Variants in SORCS2 observed in about 807,000 individuals in gnomAD.
The protein encoded by SORCS2 is VPS10 domain-containing receptor SorCS2.
In SORCS2, 100 loss-of-function variants were observed where a neutral mutation model predicts 141.6. That is an observed-to-expected ratio of 0.71 (90% CI 0.60 to 0.83). The LOEUF (loss-of-function observed/expected upper bound fraction) is 0.83, where lower values mean the gene tolerates loss of function less well. Among genes scored for constraint, SORCS2 ranks in the 40% least tolerant of loss-of-function variants. SORCS2 has a pLI of 0.00. For missense variants in SORCS2, 1,646 were observed against 1,560.2 expected, an observed-to-expected ratio of 1.05 and a Z score of -0.93; for synonymous variants, 789 against 676.9, an observed-to-expected ratio of 1.17 and a Z score of -2.57.
chr4:7,377,654 C>T (rs1722745769), intron 1 of SORCS2, among the ~76,000 whole-genome samples: 1 of 152,234 alleles, frequency 6.6e-6, no homozygotes, highest in African/African-American at 2.4e-5. Flanking sequence ...GCAGGGCTCT[C>T]CTTCACCCAG....
At chr4:7,287,386 T>C (rs4689682) in intron 1 of SORCS2, among the ~76,000 whole-genome samples, 111,960 of 152,164 alleles carry the variant, frequency 0.74, 41,327 homozygotes, top group Middle Eastern at 0.79. Flanking sequence ...CTGGCAGTCT[T>C]TTCCAGAAAG....
chr4:7,316,705 C>T (rs1323099223), intron 1 of SORCS2, among the ~76,000 whole-genome samples: 1 of 152,136 alleles, frequency 6.6e-6, no homozygotes, highest in African/African-American at 2.4e-5. Flanking sequence ...ATGTTCTGTT[C>T]ATAGTAGAAA....
chr4:7,565,834 GATGGTGATGGTGA>G (rs1437233836), intron 3 of SORCS2, among the ~76,000 whole-genome samples: 8 of 80,254 alleles, frequency 1.0e-4, no homozygotes, highest in Non-Finnish European at 2.2e-4. Context: ...TGGTGATGAT[GATGGTGATGGTGA>G]TGATGGTGAT....
At chr4:7,620,455 T>C (rs1248617874) in intron 3 of SORCS2, among the ~76,000 whole-genome samples, 3 of 152,194 alleles carry the variant, frequency 2.0e-5, no homozygotes, top group Non-Finnish European at 4.4e-5. Flanking sequence ...CCCACATCCA[T>C]CAGGCATCTG....
chr4:7,252,711 C>T lies in SORCS2; in HGVS notation c.480+59585C>T, dbSNP rs199628591. On this transcript the variant is annotated intron_variant, in intron 1 of 26. Transcript: ENST00000507866. Reference sequence around the variant, plus strand: ...GGTGCGGGAGGGATTGGCATTGTGCCGGTCTGACAGGCGTCAGCCAGGACT... The same window carrying T: ...GGTGCGGGAGGGATTGGCATTGTGCTGGTCTGACAGGCGTCAGCCAGGACT... Among the ~76,000 whole-genome samples, 21 of 152,232 alleles carry T rather than the reference C, an allele frequency of 1.4e-4. No homozygotes were observed. In the East Asian group the frequency reaches 2.4e-3, roughly 17 times the overall value.
chr4:7,655,877 G>A (rs532587334), intron 5 of SORCS2, among the ~76,000 whole-genome samples: 1 of 151,872 alleles, frequency 6.6e-6, no homozygotes, highest in East Asian at 1.9e-4. Context: ...GCCAGAGAAA[G>A]AAACCGACCC....
Position 7,664,293 on chromosome 4 carries a change from C to G in SORCS2, c.953-60C>G. On this transcript the variant is annotated intron_variant, in intron 6 of 26. Coordinates refer to ENST00000507866, the MANE Select transcript of SORCS2 (RefSeq NM_020777.3). The surrounding 1 kb of genome is among the most constrained non-coding windows in gnomAD (Gnocchi z 4.7). ...GGAAGATGGAGTCCAGCACATGTCTCGGGCCGTCTCTGGCTCCGGCTGGAG... is the reference window on the plus strand; with the variant it reads ...GGAAGATGGAGTCCAGCACATGTCTGGGGCCGTCTCTGGCTCCGGCTGGAG... The G allele has an allele frequency of 7.2e-7, 1 of 1,390,054 alleles. No homozygotes were observed. Among genetic ancestry groups the G allele is most frequent in the Non-Finnish European group, 1.0e-6 (1 of 994,740 alleles). The allele number at this position is 1,390,054 out of a possible 1,614,324, so 86.1% of individuals were successfully genotyped here.
rs542429478 is a variant in SORCS2 at position 7,740,485 on chromosome 4, A to G, written c.*221A>G. On this transcript the variant is annotated 3_prime_UTR_variant, in exon 27 of 27. Coordinates refer to ENST00000507866, the MANE Select transcript of SORCS2 (RefSeq NM_020777.3). ...ACTCCCCGGACATGGCCCTGCCCCTATGGGACACCAGGCCTGACTCAGGCA... is the reference window on the plus strand; with the variant it reads ...ACTCCCCGGACATGGCCCTGCCCCTGTGGGACACCAGGCCTGACTCAGGCA... The G allele has an allele frequency of 2.4e-3, 1,352 of 560,940 alleles. 7 individuals are homozygous for G. The highest frequency in any genetic ancestry group is 0.024 in the African/African-American group (1,247 of 53,000). 34.7% of individuals were successfully genotyped at this position (560,940 alleles called of 1,614,324 possible).
chr4:7,724,182 C>T (rs1341517166), intron 19 of SORCS2, among the ~76,000 whole-genome samples: 13 of 117,060 alleles, frequency 1.1e-4, no homozygotes, highest in African/African-American at 5.6e-4. Context: ...ATGGTGATAG[C>T]AGTACTGGTG....
At chr4:7,602,895 G>A (rs6832677) in intron 3 of SORCS2, among the ~76,000 whole-genome samples, 10,998 of 152,288 alleles carry the variant, frequency 0.072, 615 homozygotes, top group African/African-American at 0.15. Flanking sequence ...GCGAGACTCC[G>A]TCTGCAATCC....
rs563147937 is a variant in SORCS2, at chr4:7,636,356, G to A, written c.649-1972G>A. 9.2e-5 allele frequency among the ~76,000 whole-genome samples: 14 copies of A among 152,350 alleles called. No individual in the cohort carries two copies. The East Asian group carries it at 2.3e-3, about 25-fold the overall frequency. ...GCCTGTGTAAGCCAGGACTCTACAA[G>A]TTTGTCGAATGAGGGAATGAATGAA... On this transcript the variant is annotated intron_variant, in intron 3 of 26. Coordinates refer to ENST00000507866, the MANE Select transcript of SORCS2 (RefSeq NM_020777.3).
intron 18 of SORCS2, among the ~76,000 whole-genome samples, chr4:7,718,440 C>G (rs925840432): frequency 6.6e-6 from 1 of 152,056 alleles, no homozygotes; most frequent in African/African-American, 2.4e-5. Flanking sequence ...CCCCGCAGAG[C>G]AGAAGGAGAC....
chr4:7,542,149 T>G (rs1188434245), intron 3 of SORCS2, among the ~76,000 whole-genome samples: 1 of 152,150 alleles, frequency 6.6e-6, no homozygotes, highest in Non-Finnish European at 1.5e-5. Flanking sequence ...TCCTCACCCC[T>G]CATGGGCGGA....
intron 2 of SORCS2, among the ~76,000 whole-genome samples, chr4:7,521,455 A>G (rs1733323300): frequency 6.6e-6 from 1 of 152,036 alleles, no homozygotes; most frequent in Admixed American, 6.5e-5. Flanking sequence ...TTATTGAACA[A>G]CTTCACTGTC....
intron 2 of SORCS2, among the ~76,000 whole-genome samples, chr4:7,414,270 C>G (rs1394052728): frequency 6.6e-6 from 1 of 152,170 alleles, no homozygotes; most frequent in Non-Finnish European, 1.5e-5. Context: ...CATGGCAAGA[C>G]CTGGCTGCAC....
At chr4:7,572,841 A>G (rs1317973460) in intron 3 of SORCS2, among the ~76,000 whole-genome samples, 2 of 152,218 alleles carry the variant, frequency 1.3e-5, no homozygotes, top group African/African-American at 4.8e-5. Flanking sequence ...GGTTTGGAAG[A>G]CTTTTAAAGA....
chr4:7,446,851 C>A (rs1344226651), intron 2 of SORCS2, among the ~76,000 whole-genome samples: 1 of 152,224 alleles, frequency 6.6e-6, no homozygotes, highest in Non-Finnish European at 1.5e-5. Context: ...AACCACTAAG[C>A]CATTGTGAAT....
Position 7,661,872 on chromosome 4 carries a change from G to A in SORCS2, c.952+308G>A, listed in dbSNP as rs1005107062. On this transcript the variant is annotated intron_variant, in intron 6 of 26. Coordinates refer to ENST00000507866, the MANE Select transcript of SORCS2 (RefSeq NM_020777.3). ...TGTGCTAAGTGTGGAGGTGGGGGGCGGGGGTGGGGGCACGGGTGTGCACAC... is the reference window on the plus strand; with the variant it reads ...TGTGCTAAGTGTGGAGGTGGGGGGCAGGGGTGGGGGCACGGGTGTGCACAC... Among the ~76,000 whole-genome samples, 6 of 152,024 alleles carry A rather than the reference G, an allele frequency of 3.9e-5. No individual in the cohort carries two copies. The South Asian group carries it at 6.2e-4, about 16-fold the overall frequency.
At chr4:7,416,808 A>G (rs1002303957) in intron 2 of SORCS2, among the ~76,000 whole-genome samples, 2 of 151,784 alleles carry the variant, frequency 1.3e-5, no homozygotes, top group African/African-American at 4.8e-5. Context: ...ACAAACATGC[A>G]TGCATGTACA....
Sources: gnomAD v4.1 joint callset for allele counts (sites outside exome capture counted in the v4.1 genomes callset) on GRCh38, gnomAD v4.1.1 for gene constraint, Gnocchi (gnomAD v3.1) non-coding constraint, MANE v1.5 for transcripts, NCBI Gene and HGNC (gene_info 2026-07-23, HGNC 2026-07-21) for gene names.